Variants in HTR2C observed in about 807,000 individuals in gnomAD.
The protein encoded by HTR2C is 5-hydroxytryptamine (serotonin) receptor 2C, G protein-coupled.
In HTR2C, 5 loss-of-function variants were observed where a neutral mutation model predicts 21.0. The observed-to-expected ratio is 0.24, with a 90% CI of 0.12 to 0.50. The LOEUF (loss-of-function observed/expected upper bound fraction) is 0.50. HTR2C is among the 20% of genes least tolerant of loss of function. The pLI, the probability that HTR2C is intolerant of heterozygous loss-of-function variation, is 0.98. For synonymous variants in HTR2C, 150 were observed against 145.3 expected (o/e 1.03, Z -0.23); for missense variants, 271 against 371.2 (o/e 0.73, Z 2.22).
At chrX:114,644,367 A>AT (rs1193930664) in intron 2 of HTR2C, among the ~76,000 whole-genome samples, 1 of 48,432 alleles carries the variant, frequency 2.1e-5, no homozygotes, top group African/African-American at 9.4e-5. Flanking sequence ...AAATAAATAT[A>AT]TATATATATA....
chrX:114,620,459 G>A (rs140804699), intron 2 of HTR2C, among the ~76,000 whole-genome samples: 1,495 of 111,080 alleles, frequency 0.013, 4 homozygotes, highest in Non-Finnish European at 0.022. Flanking sequence ...TTGCCAATAC[G>A]GCTTACATTT....
intron 2 of HTR2C, among the ~76,000 whole-genome samples, chrX:114,630,060 A>C (rs1929548325): frequency 8.9e-6 from 1 of 111,888 alleles, no homozygotes; most frequent in South Asian, 3.7e-4. Context: ...AGGTACATCA[A>C]ATGGATAGTT....
chrX:114,869,752 G>T (rs2071076738), intron 5 of HTR2C, among the ~76,000 whole-genome samples: 1 of 111,916 alleles, frequency 8.9e-6, no homozygotes, highest in Admixed American at 9.5e-5. Flanking sequence ...GACCTTAGAG[G>T]AAAGACTTTC....
At chrX:114,615,402 G>A (rs1478249288) in intron 2 of HTR2C, among the ~76,000 whole-genome samples, 7 of 111,861 alleles carry the variant, frequency 6.3e-5, no homozygotes, top group African/African-American at 1.9e-4. Flanking sequence ...CGTTCAAAAA[G>A]TATAAAATGT....
intron 2 of HTR2C, among the ~76,000 whole-genome samples, chrX:114,676,318 T>A (rs187517523): frequency 2.7e-5 from 3 of 112,013 alleles, no homozygotes; most frequent in African/African-American, 9.7e-5. Flanking sequence ...TCTAGCAAAA[T>A]GCCTAAGCAA....
intron 4 of HTR2C, among the ~76,000 whole-genome samples, chrX:114,843,030 A>G (rs1306236160): frequency 8.9e-6 from 1 of 112,229 alleles, no homozygotes; most frequent in African/African-American, 3.2e-5. Context: ...CCACATTGTA[A>G]TATTAAGATG....
chrX:114,632,745 C>G (rs1235210989), intron 2 of HTR2C, among the ~76,000 whole-genome samples: 1 of 110,641 alleles, frequency 9.0e-6, no homozygotes, highest in Non-Finnish European at 1.9e-5. Flanking sequence ...TTATATAAAC[C>G]TCCTTGTCTT....
intron 4 of HTR2C, among the ~76,000 whole-genome samples, chrX:114,838,551 T>C (rs2070807186): frequency 8.9e-6 from 1 of 112,480 alleles, no homozygotes; most frequent in African/African-American, 3.2e-5. Flanking sequence ...TTTGCCTTTT[T>C]TTATTATTGG....
intron 4 of HTR2C, among the ~76,000 whole-genome samples, chrX:114,771,099 G>A (rs1305302086): frequency 9.0e-6 from 1 of 111,198 alleles, no homozygotes; most frequent in Non-Finnish European, 1.9e-5. Flanking sequence ...ACCATGCCTG[G>A]CATACTTCCC....
At chrX:114,794,663 G>A (rs1324064174) in intron 4 of HTR2C, among the ~76,000 whole-genome samples, 1 of 107,525 alleles carries the variant, frequency 9.3e-6, no homozygotes, top group Non-Finnish European at 1.9e-5. Flanking sequence ...TGCTCAGAAT[G>A]ATGGTTTCCA....
intron 4 of HTR2C, among the ~76,000 whole-genome samples, chrX:114,800,752 A>G (rs1012133426): frequency 8.9e-6 from 1 of 111,819 alleles, no homozygotes; most frequent in Middle Eastern, 4.6e-3. Context: ...TTTGCAATAA[A>G]GACAAAGACC....
chrX:114,652,266 G>A (rs1930604620), intron 2 of HTR2C, among the ~76,000 whole-genome samples: 1 of 111,324 alleles, frequency 9.0e-6, no homozygotes, highest in South Asian at 3.7e-4. Flanking sequence ...AGTATAAAAT[G>A]TACTTGATGC....
intron 4 of HTR2C, among the ~76,000 whole-genome samples, chrX:114,801,930 A>T (rs2070350290): frequency 9.0e-6 from 1 of 111,350 alleles, no homozygotes; most frequent in South Asian, 3.7e-4. Context: ...ACTTTTAATC[A>T]AATGGTTTAA....
intron 2 of HTR2C, among the ~76,000 whole-genome samples, chrX:114,717,983 C>G (rs1371124677): frequency 2.7e-5 from 3 of 111,413 alleles, no homozygotes; most frequent in African/African-American, 9.8e-5. Context: ...AAGCCTTGTT[C>G]GTGCCAGCCT....
At chrX:114,739,981 C>T (rs1383977204) in intron 4 of HTR2C, among the ~76,000 whole-genome samples, 1 of 109,221 alleles carries the variant, frequency 9.2e-6, no homozygotes, top group African/African-American at 3.3e-5. Context: ...TGGTGGCGGG[C>T]ACCTGTAGTC....
At chrX:114,867,007 G>A (rs1348169602) in intron 5 of HTR2C, among the ~76,000 whole-genome samples, 1 of 111,690 alleles carries the variant, frequency 9.0e-6, no homozygotes, top group Non-Finnish European at 1.9e-5. Flanking sequence ...CCTTTCTTTT[G>A]GGTATGTACC....
intron 4 of HTR2C, among the ~76,000 whole-genome samples, chrX:114,797,722 C>T (rs1556445651): frequency 1.8e-5 from 2 of 111,895 alleles, no homozygotes; most frequent in African/African-American, 6.5e-5. Flanking sequence ...CCAAGGCAGA[C>T]AGTGGGTGAC....
intron 2 of HTR2C, among the ~76,000 whole-genome samples, chrX:114,720,943 T>C (rs1358460490): frequency 2.1e-5 from 2 of 96,768 alleles, no homozygotes; most frequent in East Asian, 6.9e-4. Flanking sequence ...TGGTTCCAAG[T>C]CTTTGCTATT....
At chrX:114,882,239 C>T (rs1556479983) in intron 5 of HTR2C, among the ~76,000 whole-genome samples, 5 of 110,481 alleles carry the variant, frequency 4.5e-5, no homozygotes. Context: ...AGTTCTAATA[C>T]TTTTTAAGTG....
Sources: allele counts gnomAD v4.1 joint callset (sites outside exome capture counted in the v4.1 genomes callset), GRCh38; gene constraint gnomAD v4.1.1; transcripts MANE v1.5; gene names NCBI Gene and HGNC (gene_info 2026-07-23, HGNC 2026-07-21).